The following TCF4 variants were observed in gnomAD, a reference collection of about 807,000 sequenced individuals.
The protein encoded by TCF4 is transcription factor 4.
A neutral mutation model predicts 82.1 loss-of-function variants in TCF4; 3 were observed. The observed-to-expected ratio is 0.04, with a 90% CI of 0.02 to 0.09. The LOEUF (loss-of-function observed/expected upper bound fraction) is 0.09. Among genes scored for constraint, TCF4 ranks in the 10% least tolerant of loss-of-function variants. The pLI is 1.00. For missense variants in TCF4, 518 were observed against 852.7 expected (o/e 0.61, Z 4.89); for synonymous variants, 276 against 309.6 (o/e 0.89, Z 1.14).
intron 3 of TCF4, among the ~76,000 whole-genome samples, chr18:55,542,236 G>A (rs529917876): frequency 2.2e-4 from 33 of 151,974 alleles, no homozygotes; most frequent in South Asian, 1.7e-3. Context: ...GTTTCCATGA[G>A]TATAGTTCCC....
At chr18:55,257,671 G>C (rs1568493789) in intron 13 of TCF4, among the ~76,000 whole-genome samples, 1 of 152,146 alleles carries the variant, frequency 6.6e-6, no homozygotes, top group Non-Finnish European at 1.5e-5. Context: ...AAGGGTTCCT[G>C]TGGAAGAAAA....
At chr18:55,432,724 C>T (rs1030572708) in intron 5 of TCF4, among the ~76,000 whole-genome samples, 5 of 152,208 alleles carry the variant, frequency 3.3e-5, no homozygotes, top group Non-Finnish European at 7.3e-5. Context: ...AAGTGCTTTC[C>T]TAATATTTTG....
At chr18:55,476,553 GC>G (rs2145381735) in intron 3 of TCF4, among the ~76,000 whole-genome samples, 1 of 151,886 alleles carries the variant, frequency 6.6e-6, no homozygotes, top group Non-Finnish European at 1.5e-5. Flanking sequence ...AGGGCTCGCT[GC>G]AACCTCAACC....
At chr18:55,574,421 T>C (rs1402404327) in intron 3 of TCF4, among the ~76,000 whole-genome samples, 3 of 152,158 alleles carry the variant, frequency 2.0e-5, no homozygotes, top group Non-Finnish European at 4.4e-5. Flanking sequence ...ACCTCCTGGA[T>C]TCAAGCCATT....
chr18:55,362,281 A>C (rs565146939), intron 6 of TCF4, among the ~76,000 whole-genome samples: 9 of 151,250 alleles, frequency 6.0e-5, no homozygotes, highest in Non-Finnish European at 1.0e-4. Context: ...GCACCACTGC[A>C]CTCCAGCCTG....
chr18:55,420,475 G>A (rs865973818), intron 5 of TCF4, among the ~76,000 whole-genome samples: 2 of 152,176 alleles, frequency 1.3e-5, no homozygotes, highest in Middle Eastern at 3.4e-3. Context: ...ACGGGACAAC[G>A]AATCACCCTG....
chr18:55,399,878 TCTCACACACACACACACA>T (rs1249785734), intron 6 of TCF4, among the ~76,000 whole-genome samples: 2 of 77,008 alleles, frequency 2.6e-5, no homozygotes, highest in Non-Finnish European at 5.3e-5. Context: ...TCTCTCTCTC[TCTCACACACACACACACA>T]CACACACACA....
chr18:55,566,221 A>AAAAAT (rs1363475696), intron 3 of TCF4, among the ~76,000 whole-genome samples: 4 of 151,878 alleles, frequency 2.6e-5, no homozygotes, highest in African/African-American at 9.7e-5. Context: ...TCAAAAACTA[A>AAAAAT]AAAATAAATA....
chr18:55,594,846 A>C (rs2097689251), intron 2 of TCF4, among the ~76,000 whole-genome samples: 1 of 152,208 alleles, frequency 6.6e-6, no homozygotes, highest in South Asian at 2.1e-4. Context: ...ACATAGGTAG[A>C]CCATGCTTCT....
At position 55,371,518 on chromosome 18, in the gene TCF4, C is replaced by T. The variant is rs1188481469; in HGVS notation, c.370-20515G>A. ...ATATGTTAGTACAAAAGGAGTGCTT[C>T]GGTGAGAGCCAAGGAAGCTTTGTTT... On this transcript the variant is annotated intron_variant, in intron 6 of 19. Transcript: ENST00000354452. Among the ~76,000 whole-genome samples, 6 of 152,078 alleles carry T rather than the reference C, an allele frequency of 3.9e-5. No individual in the cohort carries two copies. In the East Asian group the frequency reaches 7.7e-4, roughly 20 times the overall value.
intron 5 of TCF4, among the ~76,000 whole-genome samples, chr18:55,416,197 A>C (rs1378073013): frequency 1.3e-5 from 2 of 152,216 alleles, no homozygotes; most frequent in African/African-American, 4.8e-5. Context: ...CAAAAGTCAC[A>C]AATTGTTCCT....
chr18:55,566,593 T>TA lies in TCF4; in HGVS notation c.145+18686dup, dbSNP rs574909888. On this transcript the variant is annotated intron_variant, in intron 3 of 19. Transcript: ENST00000354452. ...AGAAATGAAAAAGTAAGCAATGAAATAAAAAAAATTAATCATTGCATTAGA... is the reference window on the plus strand; with the variant it reads ...AGAAATGAAAAAGTAAGCAATGAAATAAAAAAAAATTAATCATTGCATTAGA... 7.9e-5 allele frequency among the ~76,000 whole-genome samples: 12 copies of TA among 151,754 alleles called. No individual in the cohort carries two copies. In the South Asian group the frequency reaches 1.2e-3, roughly 16 times the overall value.
chr18:55,291,351 A>T (rs2065054646), intron 8 of TCF4, among the ~76,000 whole-genome samples: 1 of 152,184 alleles, frequency 6.6e-6, no homozygotes, highest in South Asian at 2.1e-4. Flanking sequence ...GCTTTGAAGC[A>T]TCAAACTTAA....
chr18:55,594,018 A>C (rs1226047364), intron 2 of TCF4, among the ~76,000 whole-genome samples: 1 of 152,152 alleles, frequency 6.6e-6, no homozygotes, highest in East Asian at 1.9e-4. Context: ...CCCTACTCAC[A>C]CTGTAAGTCT....
At chr18:55,615,960 G>GT (rs976317939) in intron 2 of TCF4, among the ~76,000 whole-genome samples, 1 of 151,812 alleles carries the variant, frequency 6.6e-6, no homozygotes, top group African/African-American at 2.4e-5. Flanking sequence ...CTTTAGTTTT[G>GT]TTTTTTTATT....
intron 6 of TCF4, among the ~76,000 whole-genome samples, chr18:55,362,381 G>GGAAAGAAA (rs1491318137): frequency 1.5e-4 from 13 of 88,810 alleles, no homozygotes; most frequent in Admixed American, 9.4e-4. Flanking sequence ...AAGGAAGGAA[G>GGAAAGAAA]GAAGGAAGGA....
chr18:55,274,966 G>A (rs1480359929), intron 10 of TCF4, among the ~76,000 whole-genome samples: 3 of 152,136 alleles, frequency 2.0e-5, no homozygotes, highest in Non-Finnish European at 4.4e-5. Context: ...GTTTAGTAAT[G>A]AAAGACCTAA....
chr18:55,374,871 T>TAAAAAAAAAAAAAAAAAAAAAAAAAA (rs5825137), intron 6 of TCF4, among the ~76,000 whole-genome samples: 1 of 67,146 alleles, frequency 1.5e-5, no homozygotes, highest in African/African-American at 5.7e-5. Flanking sequence ...AGGCCCTGTC[T>TAAAAAAAAAAAAAAAAAAAAAAAAAA]AAAAAAAAAA....
At chr18:55,330,442 T>A (rs570070432) in intron 8 of TCF4, among the ~76,000 whole-genome samples, 1 of 151,992 alleles carries the variant, frequency 6.6e-6, no homozygotes, top group Admixed American at 6.5e-5. Context: ...CCTCCCAAAG[T>A]GCTGGGATTA....
Sources: gnomAD v4.1 joint callset for allele counts (sites outside exome capture counted in the v4.1 genomes callset) on GRCh38, gnomAD v4.1.1 for gene constraint, MANE v1.5 for transcripts, NCBI Gene and HGNC (gene_info 2026-07-23, HGNC 2026-07-21) for gene names.